Variants in KLHL4 observed in about 807,000 individuals in gnomAD.
The protein encoded by KLHL4 is kelch like family member 4.
Under a neutral mutation model 45.8 loss-of-function variants are expected in KLHL4, and 17 were observed. The observed-to-expected ratio is 0.37, with a 90% CI of 0.25 to 0.56. KLHL4 has a LOEUF of 0.56. Ranked by LOEUF, KLHL4 falls within the 20% of genes least tolerant of loss-of-function variation. The probability of loss-of-function intolerance (pLI) is 0.79; values close to 1 mark genes in which losing one functional copy is unlikely to be tolerated. For missense variants in KLHL4, 544 were observed against 544.9 expected, an observed-to-expected ratio of 1.00 and a Z score of 0.02; for synonymous variants, 224 against 189.9, an observed-to-expected ratio of 1.18 and a Z score of -1.47.
At chrX:87,664,289 A>G (rs1295353840) in intron 9 of KLHL4, among the ~76,000 whole-genome samples, 3 of 111,999 alleles carry the variant, frequency 2.7e-5, no homozygotes, top group African/African-American at 9.7e-5. Context: ...ATAGTATTAA[A>G]ACCAAAGTAC....
Position 87,622,300 on chromosome X carries a change from T to C in KLHL4, c.1014T>C (p.Asn338=). 8.3e-7 allele frequency: 1 copy of C among 1,205,950 alleles called. No homozygotes were observed. The highest frequency in any genetic ancestry group is 1.1e-6 in the Non-Finnish European group (1 of 890,325). The part of the protein sequence containing the change: ...ISKLLCSDDI[N]VPDEETIFHA... ...AACTTCTGTGCAGTGATGACATTAA[T>C]GTGCCTGATGAAGAGACCATTTTTC... Residue 338 remains asparagine (N), a synonymous_variant, in exon 5 of 11, where the codon AAT becomes AAC. Coordinates refer to ENST00000373119, the MANE Select transcript of KLHL4 (RefSeq NM_019117.5).
chrX:87,661,441 C>G (rs957431473), intron 9 of KLHL4, among the ~76,000 whole-genome samples: 3 of 110,344 alleles, frequency 2.7e-5, no homozygotes, highest in Non-Finnish European at 5.7e-5. Flanking sequence ...TTCTGTGAAC[C>G]CTTGAAATTG....
intron 9 of KLHL4, among the ~76,000 whole-genome samples, chrX:87,642,307 A>T (rs1449371702): frequency 1.8e-5 from 2 of 111,497 alleles, no homozygotes; most frequent in African/African-American, 3.3e-5. Flanking sequence ...ACTGCAGTTA[A>T]GCTCACAGGA....
At chrX:87,661,797 A>G (rs757313221) in intron 9 of KLHL4, among the ~76,000 whole-genome samples, 1 of 111,920 alleles carries the variant, frequency 8.9e-6, no homozygotes, top group Non-Finnish European at 1.9e-5. Context: ...AAACAAATGC[A>G]TAGTATAGTA....
Position 87,630,899 on chromosome X carries a change from A to T in KLHL4, c.1325-1311A>T, listed in dbSNP as rs543971598. Among the ~76,000 whole-genome samples the T allele has an allele frequency of 1.6e-4, 18 of 111,880 alleles. No individual in the cohort carries two copies. In the South Asian group the frequency reaches 6.8e-3, roughly 42 times the overall value. The stretch of plus-strand genomic sequence containing the variant: ...TTGGCCACAGAAATCAAAGACATGG[A>T]CACACAAAGAGTGAGATTAAGAGCA... On this transcript the variant is annotated intron_variant, in intron 6 of 10. Coordinates refer to ENST00000373119, the MANE Select transcript of KLHL4 (RefSeq NM_019117.5).
chrX:87,619,203 C>T (rs1236653589), intron 4 of KLHL4, among the ~76,000 whole-genome samples: 2 of 111,466 alleles, frequency 1.8e-5, no homozygotes, highest in African/African-American at 6.5e-5. Context: ...TACAAGTGAA[C>T]AATAGAAAGG....
chrX:87,661,485 T>A (rs1924186688), intron 9 of KLHL4, among the ~76,000 whole-genome samples: 1 of 111,532 alleles, frequency 9.0e-6, no homozygotes, highest in African/African-American at 3.3e-5. Flanking sequence ...AAAAAATAAA[T>A]TGGGCTGCAT....
chrX:87,531,119 T>C (rs1235330636), intron 1 of KLHL4, among the ~76,000 whole-genome samples: 1 of 110,966 alleles, frequency 9.0e-6, no homozygotes, highest in Admixed American at 9.6e-5. Flanking sequence ...ATGGGGTTGT[T>C]TTTTTCTTGT....
chrX:87,612,197 C>T (rs1922403733), intron 1 of KLHL4, among the ~76,000 whole-genome samples: 1 of 111,704 alleles, frequency 9.0e-6, no homozygotes, highest in Non-Finnish European at 1.9e-5. Flanking sequence ...ATGTGCTAGG[C>T]TTTCACATTA....
rs180936135 is a variant in KLHL4 at position 87,669,701 on chromosome X, G to A, written c.*3167G>A. 38 of 181,160 alleles carry A rather than the reference G, an allele frequency of 2.1e-4. No individual in the cohort carries two copies. Among genetic ancestry groups the A allele is most frequent in the Non-Finnish European group, 3.2e-4 (32 of 98,511 alleles). 14.9% of individuals were successfully genotyped at this position (181,160 alleles called of 1,213,427 possible). On this transcript the variant is annotated 3_prime_UTR_variant, in exon 11 of 11. Coordinates refer to ENST00000373119, the MANE Select transcript of KLHL4 (RefSeq NM_019117.5). ...CACCTGAGGTAGAAGAGATTTTTCA[G>A]TTGCTATTTCTCTTCGTAATGAATT...
chrX:87,532,593 A>G (rs375381514), intron 1 of KLHL4, among the ~76,000 whole-genome samples: 22,505 of 100,299 alleles, frequency 0.22, 2,611 homozygotes, highest in East Asian at 0.48. Context: ...ATTTGTTTGT[A>G]TCCTCTTTTA....
In KLHL4 at chrX:87,666,611, C is replaced by T; in HGVS notation, c.*77C>T. ...AGTAGGACAAAGGGAGAAAGAAATA[C>T]ATGTTCTTTTTCCTGCAATTAATAA... is the stretch of plus-strand genomic sequence containing the variant. On this transcript the variant is annotated 3_prime_UTR_variant, in exon 11 of 11. Transcript: ENST00000373119. 9.7e-7 allele frequency: 1 copy of T among 1,030,424 alleles called. No individual in the cohort carries two copies. Among genetic ancestry groups the T allele is most frequent in the South Asian group, 3.1e-5 (1 of 32,422 alleles). The allele number at this position is 1,030,424 out of a possible 1,213,427, so 84.9% of individuals were successfully genotyped here. A position where few individuals can be genotyped will look rare whatever the true frequency, so the allele number is the denominator to read the frequency against.
chrX:87,621,384 T>G (rs1922743862), intron 4 of KLHL4, among the ~76,000 whole-genome samples: 1 of 110,775 alleles, frequency 9.0e-6, no homozygotes, highest in Non-Finnish European at 1.9e-5. Flanking sequence ...GAAAAAAATA[T>G]AATGGTGTTT....
chrX:87,553,986 A>G (rs1180404599), intron 1 of KLHL4, among the ~76,000 whole-genome samples: 1 of 108,895 alleles, frequency 9.2e-6, no homozygotes, highest in African/African-American at 3.3e-5. Context: ...TCCTTTCCCC[A>G]TTGCTTGTTT....
intron 1 of KLHL4, among the ~76,000 whole-genome samples, chrX:87,563,661 C>A (rs1292794821): frequency 9.4e-6 from 1 of 106,346 alleles, no homozygotes; most frequent in African/African-American, 3.4e-5. Context: ...AAGTTATTGG[C>A]CTCAAAAAGG....
chrX:87,561,744 C>T (rs1219991040), intron 1 of KLHL4, among the ~76,000 whole-genome samples: 2 of 109,739 alleles, frequency 1.8e-5, no homozygotes, highest in Non-Finnish European at 3.8e-5. Flanking sequence ...GGGAGAGACT[C>T]CTTATGCTTG....
At chrX:87,537,171 C>A (rs1054341832) in intron 1 of KLHL4, among the ~76,000 whole-genome samples, 15 of 110,975 alleles carry the variant, frequency 1.4e-4, no homozygotes, top group African/African-American at 4.9e-4. Flanking sequence ...TAATGAAGTG[C>A]ATTTATGAGA....
At chrX:87,604,059 G>A (rs1366536054) in intron 1 of KLHL4, among the ~76,000 whole-genome samples, 1 of 110,364 alleles carries the variant, frequency 9.1e-6, no homozygotes, top group African/African-American at 3.3e-5. Flanking sequence ...TTTCATAAGC[G>A]GCAGGATTTT....
chrX:87,629,217 G>C (rs1421311655), intron 6 of KLHL4, among the ~76,000 whole-genome samples: 2 of 111,065 alleles, frequency 1.8e-5, no homozygotes, highest in Non-Finnish European at 3.8e-5. Context: ...AATGAATTGA[G>C]AATATATCAA....
Sources: allele counts gnomAD v4.1 joint callset (sites outside exome capture counted in the v4.1 genomes callset), GRCh38; gene constraint gnomAD v4.1.1; transcripts MANE v1.5; gene names NCBI Gene and HGNC (gene_info 2026-07-23, HGNC 2026-07-21).